The following KANK4 variants were observed in gnomAD, a reference collection of about 807,000 sequenced individuals.
The protein encoded by KANK4 is KN motif and ankyrin repeat domain-containing protein 4.
KANK4 carries 50 observed loss-of-function variants against 80.8 expected under a neutral mutation model. The ratio of observed to expected loss-of-function variants is 0.62; its 90% CI spans 0.49 to 0.78. The LOEUF (loss-of-function observed/expected upper bound fraction) is 0.78. Among genes scored for constraint, KANK4 ranks in the 30% least tolerant of loss-of-function variants. The pLI is 0.00. For missense variants in KANK4, 1,196 were observed against 1,240.1 expected, an observed-to-expected ratio of 0.96 and a Z score of 0.53; for synonymous variants, 465 against 506.9, an observed-to-expected ratio of 0.92 and a Z score of 1.11.
chr1:62,317,771 G>A (rs995392823), intron 1 of KANK4, among the ~76,000 whole-genome samples: 8 of 152,178 alleles, frequency 5.3e-5, no homozygotes, highest in African/African-American at 1.9e-4. Flanking sequence ...CTATTTATGT[G>A]AGTGATTTAA....
intron 1 of KANK4, among the ~76,000 whole-genome samples, chr1:62,301,260 G>A (rs1288346107): frequency 6.6e-6 from 1 of 152,080 alleles, no homozygotes; most frequent in Non-Finnish European, 1.5e-5. Context: ...GGGAGAAAGA[G>A]AAACATATGC....
In KANK4 at chr1:62,263,165, G is replaced by A. The variant is rs777606271; in HGVS notation, c.2466C>T (p.His822=). 2 of 1,613,934 alleles carry A rather than the reference G, an allele frequency of 1.2e-6. No individual in the cohort carries two copies. The highest frequency in any genetic ancestry group is 1.3e-5 in the African/African-American group (1 of 74,930). ...FLKLLVNLAD[H]NGNTALHYSV... is the part of the protein sequence containing the mutation. ...TGTAGTGAAGGGCCGTGTTCCCGTT[G>A]TGATCGGCCAAGTTGACAAGCAGTT... is the stretch of plus-strand genomic sequence containing the variant. The change falls in exon 7 of 10, where the codon CAC becomes CAT. Residue 822 remains histidine, a synonymous_variant. Coordinates refer to ENST00000371153, the MANE Select transcript of KANK4 (RefSeq NM_181712.5).
chr1:62,300,201 C>T (rs1332591476), intron 1 of KANK4, among the ~76,000 whole-genome samples: 1 of 152,128 alleles, frequency 6.6e-6, no homozygotes, highest in African/African-American at 2.4e-5. Context: ...CCATTGAGTC[C>T]CCTTCACTGG....
At chr1:62,270,926 G>A (rs1164460109) in intron 4 of KANK4, among the ~76,000 whole-genome samples, 6 of 152,068 alleles carry the variant, frequency 3.9e-5, no homozygotes, top group African/African-American at 1.4e-4. Flanking sequence ...CTCCACGACC[G>A]AGCACACTGT....
rs1671205603 is a variant in KANK4, at chr1:62,236,594, T to A, written c.*1683A>T. ...TGGCCTTAATGGGTTACAAATTGGA[T>A]TTTTTTTTTTTTTTTTTTTGAGACA... On this transcript the variant is annotated 3_prime_UTR_variant, in exon 10 of 10. Transcript: ENST00000371153. Among the ~76,000 whole-genome samples, 1 of 4,078 alleles carries A rather than the reference T, an allele frequency of 2.5e-4. No homozygotes were observed. The highest frequency in any genetic ancestry group is 5.1e-4 in the Non-Finnish European group (1 of 1,968). The allele number at this position is 4,078 out of a possible 152,430, so 2.7% of individuals were successfully genotyped here. A position where few individuals can be genotyped will look rare whatever the true frequency, so the allele number is the denominator to read the frequency against.
intron 1 of KANK4, among the ~76,000 whole-genome samples, chr1:62,318,464 T>C (rs937728905): frequency 2.0e-5 from 3 of 152,154 alleles, no homozygotes; most frequent in Non-Finnish European, 4.4e-5. Flanking sequence ...ACAGGAGGCA[T>C]GCGGGCTGGG....
At chr1:62,263,414 TC>T in intron 6 of KANK4, 103 bp from the exon 7 acceptor site, 2 of 885,978 alleles carry the variant, frequency 2.3e-6, no homozygotes, top group Non-Finnish European at 3.5e-6. Context: ...TGCAGCTCCC[TC>T]CAGCTTGCCA....
At position 62,291,758 on chromosome 1, in the gene KANK4, C is replaced by T. The variant is rs1031917554; in HGVS notation, c.-70-10124G>A. Among the ~76,000 whole-genome samples the T allele has an allele frequency of 1.5e-4, 23 of 152,150 alleles. No individual in the cohort carries two copies. The South Asian group carries it at 1.7e-3, about 11-fold the overall frequency. On this transcript the variant is annotated intron_variant, in intron 1 of 9. Coordinates refer to ENST00000371153, the MANE Select transcript of KANK4 (RefSeq NM_181712.5). ...AAGTAGCTGGGATTACAGGTGTGCA[C>T]CACCACGCCTGGCTAATCTTGTATT... is the stretch of plus-strand genomic sequence containing the variant.
chr1:62,308,684 C>G (rs1644473403), intron 1 of KANK4, among the ~76,000 whole-genome samples: 1 of 152,172 alleles, frequency 6.6e-6, no homozygotes, highest in Admixed American at 6.5e-5. Context: ...TTTCCTGCTA[C>G]CACCACCACA....
At position 62,276,198 on chromosome 1, in the gene KANK4, T is replaced by A. The variant is rs569380887; in HGVS notation, c.17-1111A>T. On this transcript the variant is annotated intron_variant, in intron 2 of 9. Coordinates refer to ENST00000371153, the MANE Select transcript of KANK4 (RefSeq NM_181712.5). ...GAAACAAGCCAGTCCTTCGACTATC[T>A]GCATCCATAGGGGCCTGTTGCCAAG... Among the ~76,000 whole-genome samples, 4 of 152,320 alleles carry A rather than the reference T, an allele frequency of 2.6e-5. No homozygotes were observed. In the East Asian group the frequency reaches 7.7e-4, roughly 29 times the overall value.
chr1:62,294,211 C>A (rs1436908071), intron 1 of KANK4, among the ~76,000 whole-genome samples: 1 of 152,186 alleles, frequency 6.6e-6, no homozygotes. Flanking sequence ...AAAGTAGGAG[C>A]GAGTGGACTC....
At chr1:62,317,756 A>C (rs1167274512) in intron 1 of KANK4, among the ~76,000 whole-genome samples, 1 of 152,190 alleles carries the variant, frequency 6.6e-6, no homozygotes, top group African/African-American at 2.4e-5. Context: ...GCACTGGAGA[A>C]TTCTCTATTT....
At chr1:62,288,679 C>T (rs1672619869) in intron 1 of KANK4, among the ~76,000 whole-genome samples, 1 of 131,526 alleles carries the variant, frequency 7.6e-6, no homozygotes, top group Non-Finnish European at 1.6e-5. Flanking sequence ...AGAAGCTGGG[C>T]CAGTTGTAGG....
At chr1:62,242,147 A>C (rs561218382) in intron 9 of KANK4, among the ~76,000 whole-genome samples, 6 of 149,184 alleles carry the variant, frequency 4.0e-5, no homozygotes, top group African/African-American at 1.5e-4. Context: ...CCGACTGAAG[A>C]GATGGGGAAC....
chr1:62,275,502 AG>A (rs1344408703), intron 2 of KANK4, among the ~76,000 whole-genome samples: 1 of 152,224 alleles, frequency 6.6e-6, no homozygotes, highest in Non-Finnish European at 1.5e-5. Context: ...AAGGGTTTAA[AG>A]GATAAGATAC....
intron 1 of KANK4, among the ~76,000 whole-genome samples, chr1:62,289,971 A>T (rs934257738): frequency 1.3e-5 from 2 of 152,210 alleles, no homozygotes; most frequent in Non-Finnish European, 2.9e-5. Context: ...GTGAAATAAG[A>T]CTAGCAGTAT....
intron 2 of KANK4, among the ~76,000 whole-genome samples, chr1:62,278,362 T>TGAGATGGAA (rs1672364915): frequency 4.6e-5 from 1 of 21,858 alleles, no homozygotes; most frequent in African/African-American, 5.0e-4. Flanking sequence ...CCTTCCTTCC[T>TGAGATGGAA]TCCTTCCTTC....
At chr1:62,308,322 T>C (rs377756707) in intron 1 of KANK4, among the ~76,000 whole-genome samples, 21 of 152,148 alleles carry the variant, frequency 1.4e-4, no homozygotes, top group Admixed American at 3.9e-4. Flanking sequence ...GACCTCCTAT[T>C]GCCCAGGGCG....
At chr1:62,270,649 G>A (rs1021618432) in intron 4 of KANK4, among the ~76,000 whole-genome samples, 6 of 151,956 alleles carry the variant, frequency 3.9e-5, no homozygotes, top group African/African-American at 7.3e-5. Context: ...CTCCCAAAGC[G>A]CTGGGATTAC....
Sources: allele counts gnomAD v4.1 joint callset (sites outside exome capture counted in the v4.1 genomes callset), GRCh38; gene constraint gnomAD v4.1.1; transcripts MANE v1.5; gene names NCBI Gene and HGNC (gene_info 2026-07-23, HGNC 2026-07-21).